HTR2C: variants seen among roughly 807,000 people sequenced by gnomAD.
HTR2C encodes 5-hydroxytryptamine (serotonin) receptor 2C, G protein-coupled.
A neutral mutation model predicts 21.0 loss-of-function variants in HTR2C; 5 were observed. The ratio of observed to expected loss-of-function variants is 0.24; its 90% CI spans 0.12 to 0.50. HTR2C has a LOEUF of 0.50. HTR2C is among the 20% of genes least tolerant of loss of function. The pLI is 0.98. For missense variants in HTR2C, 271 were observed against 371.2 expected, an observed-to-expected ratio of 0.73 and a Z score of 2.22; for synonymous variants, 150 against 145.3, an observed-to-expected ratio of 1.03 and a Z score of -0.23.
intron 4 of HTR2C, among the ~76,000 whole-genome samples, chrX:114,808,469 T>C (rs1556451606): frequency 3.6e-5 from 4 of 112,000 alleles, no homozygotes; most frequent in African/African-American, 9.7e-5. Flanking sequence ...TTCCCTTATT[T>C]TGGGTATCTA....
chrX:114,652,840 T>C (rs1930633679), intron 2 of HTR2C: 1 of 206,719 alleles, frequency 4.8e-6, no homozygotes, highest in Admixed American at 4.7e-5. Context: ...AATTAAAGAA[T>C]TGGAAAAGGT....
chrX:114,835,244 C>T lies in HTR2C; in HGVS notation c.350-12759C>T, dbSNP rs868908312. On this transcript the variant is annotated intron_variant, in intron 4 of 5. Coordinates refer to ENST00000276198, the MANE Select transcript of HTR2C (RefSeq NM_000868.4). ...ATTCTCTGTATTTCCTGAATCTGAA[C>T]GTTGGCCTGCCTTGCTAGATTGGGG... 5.6e-3 allele frequency among the ~76,000 whole-genome samples: 529 copies of T among 94,524 alleles called. 4 individuals carry two copies. Among genetic ancestry groups the T allele is most frequent in the African/African-American group, 0.017 (464 of 26,649 alleles). The allele number at this position is 94,524 out of a possible 115,157, so 82.1% of individuals were successfully genotyped here. A position where few individuals can be genotyped will look rare whatever the true frequency, so the allele number is the denominator to read the frequency against.
intron 2 of HTR2C, among the ~76,000 whole-genome samples, chrX:114,726,032 G>A (rs1193335489): frequency 1.6e-4 from 18 of 111,754 alleles, no homozygotes; most frequent in African/African-American, 5.2e-4. Flanking sequence ...TTGAGCTGTG[G>A]TGGGTTCCAC....
chrX:114,817,498 T>C (rs1937306937), intron 4 of HTR2C, among the ~76,000 whole-genome samples: 1 of 112,118 alleles, frequency 8.9e-6, no homozygotes, highest in South Asian at 3.6e-4. Flanking sequence ...CTTTGAAAAT[T>C]AACTAAATGC....
intron 5 of HTR2C, among the ~76,000 whole-genome samples, chrX:114,903,248 A>G (rs183464032): frequency 2.3e-4 from 26 of 112,137 alleles, no homozygotes; most frequent in African/African-American, 8.4e-4. Context: ...AATAACTTGA[A>G]TTTCTTCTTG....
At chrX:114,729,116 C>T (rs782706633) in intron 3 of HTR2C, among the ~76,000 whole-genome samples, 80 of 111,972 alleles carry the variant, frequency 7.1e-4, no homozygotes, top group Non-Finnish European at 1.2e-3. Flanking sequence ...CTCTGGAAAA[C>T]GTGCTGGATT....
intron 4 of HTR2C, among the ~76,000 whole-genome samples, chrX:114,737,901 T>C (rs1349654027): frequency 8.9e-6 from 1 of 112,163 alleles, no homozygotes; most frequent in Non-Finnish European, 1.9e-5. Context: ...GAAAACAAAG[T>C]GAAACTTCCT....
intron 2 of HTR2C, among the ~76,000 whole-genome samples, chrX:114,635,969 C>T (rs1822468008): frequency 9.0e-6 from 1 of 110,794 alleles, no homozygotes; most frequent in African/African-American, 3.3e-5. Flanking sequence ...CCAGGAAAAG[C>T]TGGCTTTGTG....
chrX:114,806,619 CAT>C (rs1194418800), intron 4 of HTR2C, among the ~76,000 whole-genome samples: 1 of 93,241 alleles, frequency 1.1e-5, no homozygotes, highest in Non-Finnish European at 2.1e-5. Context: ...ATATATACAC[CAT>C]ATATATACCA....
intron 4 of HTR2C, among the ~76,000 whole-genome samples, chrX:114,770,822 G>A (rs1324553608): frequency 9.5e-5 from 1 of 10,498 alleles, no homozygotes; most frequent in Non-Finnish European, 2.0e-4. Context: ...TTTTTTTTGA[G>A]GTAGGGTCTC....
chrX:114,822,093 C>T (rs970887244), intron 4 of HTR2C, among the ~76,000 whole-genome samples: 3 of 110,646 alleles, frequency 2.7e-5, no homozygotes, highest in African/African-American at 6.6e-5. Context: ...GTGATCCACC[C>T]ACTTTGGCCT....
intron 2 of HTR2C, 139 bp from the exon 3 acceptor site, chrX:114,726,719 G>T: frequency 2.9e-6 from 1 of 344,580 alleles, no homozygotes; most frequent in Non-Finnish European, 5.0e-6. Context: ...CACTTACACA[G>T]TATAACATGC....
rs1296146774 is a variant in HTR2C, at chrX:114,665,080, C to T, written c.-80+51199C>T. Among the ~76,000 whole-genome samples the T allele has an allele frequency of 1.1e-4, 12 of 112,113 alleles. No homozygotes were observed. In the East Asian group the frequency reaches 3.1e-3, roughly 29 times the overall value. On this transcript the variant is annotated intron_variant, in intron 2 of 5. Transcript: ENST00000276198. Reference sequence around the variant, plus strand: ...GCACTCCCACTGTGCAATGGCAGAACAGTGAGTTTCATAAGGGGGTACAAG... The same window carrying T: ...GCACTCCCACTGTGCAATGGCAGAATAGTGAGTTTCATAAGGGGGTACAAG...
intron 2 of HTR2C, among the ~76,000 whole-genome samples, chrX:114,718,954 A>T (rs1394348129): frequency 1.1e-5 from 1 of 89,851 alleles, no homozygotes; most frequent in African/African-American, 4.4e-5. Context: ...AAATTATATT[A>T]ATATTAATAT....
intron 4 of HTR2C, among the ~76,000 whole-genome samples, chrX:114,773,476 G>T (rs1556437724): frequency 8.9e-6 from 1 of 111,784 alleles, no homozygotes; most frequent in East Asian, 2.8e-4. Context: ...AAGTAATCTT[G>T]GTTAAATTAG....
chrX:114,585,992 A>G (rs1033439072), intron 1 of HTR2C, among the ~76,000 whole-genome samples: 1 of 111,262 alleles, frequency 9.0e-6, no homozygotes, highest in Non-Finnish European at 1.9e-5. Flanking sequence ...GCGACCTCAC[A>G]TACACGGTAA....
chrX:114,674,187 C>T (rs1931476186), intron 2 of HTR2C, among the ~76,000 whole-genome samples: 1 of 112,089 alleles, frequency 8.9e-6, no homozygotes, highest in African/African-American at 3.2e-5. Context: ...TATCTTTCCA[C>T]CTATTTCATA....
intron 5 of HTR2C, among the ~76,000 whole-genome samples, chrX:114,850,715 C>A (rs1367495807): frequency 1.8e-5 from 2 of 110,006 alleles, no homozygotes; most frequent in Non-Finnish European, 3.8e-5. Context: ...CAAAAGGAGT[C>A]AATAAAAGAT....
At chrX:114,749,453 C>CAAAAAA (rs782652879) in intron 4 of HTR2C, among the ~76,000 whole-genome samples, 10 of 41,898 alleles carry the variant, frequency 2.4e-4, no homozygotes, top group Non-Finnish European at 2.6e-4. Flanking sequence ...GTCCATGTCT[C>CAAAAAA]AAAAAAAAAA....
Sources: gnomAD v4.1 joint callset for allele counts (sites outside exome capture counted in the v4.1 genomes callset) on GRCh38, gnomAD v4.1.1 for gene constraint, MANE v1.5 for transcripts, NCBI Gene and HGNC (gene_info 2026-07-23, HGNC 2026-07-21) for gene names.